Variants in GMEB1 observed in about 807,000 individuals in gnomAD.
The protein encoded by GMEB1 is glucocorticoid modulatory element binding protein 1.
GMEB1 carries 6 observed loss-of-function variants against 52.4 expected under a neutral mutation model. The observed-to-expected ratio is 0.11, with a 90% confidence interval of 0.06 to 0.23. The LOEUF is 0.23. Among genes scored for constraint, GMEB1 ranks in the 10% least tolerant of loss-of-function variants. GMEB1 has a pLI of 1.00. For missense variants in GMEB1, 486 were observed against 685.6 expected (o/e 0.71, Z 3.25); for synonymous variants, 255 against 244.9 (o/e 1.04, Z -0.38).
rs1395536813 is a variant in GMEB1 at position 28,705,411 on chromosome 1, GA to G, written c.868+1085del. On this transcript the variant is annotated intron_variant, in intron 8 of 9. Transcript: ENST00000373816. ...ACTCCATCTAAAAAAAAAACTGACA[GA>G]AAGCATCCTCTCTCGCGCGATATAT... 2.0e-5 allele frequency among the ~76,000 whole-genome samples: 3 copies of G among 147,736 alleles called. No individual in the cohort carries two copies. In the East Asian group the frequency reaches 6.0e-4, roughly 30 times the overall value.
chr1:28,708,066 T>C (rs1018068429), intron 8 of GMEB1, among the ~76,000 whole-genome samples: 2 of 151,974 alleles, frequency 1.3e-5, no homozygotes. Context: ...ACCTGGCTAA[T>C]ATTTGTAGTT....
chr1:28,706,674 A>T (rs1046888358), intron 8 of GMEB1, among the ~76,000 whole-genome samples: 1 of 149,646 alleles, frequency 6.7e-6, no homozygotes, highest in Non-Finnish European at 1.5e-5. Flanking sequence ...TTATTTATTT[A>T]TTTATTTAGA....
chr1:28,672,461 G>A (rs1051998977), intron 1 of GMEB1, among the ~76,000 whole-genome samples: 2 of 150,838 alleles, frequency 1.3e-5, no homozygotes, highest in African/African-American at 2.4e-5. Flanking sequence ...CTGACCTCGT[G>A]ATCCGCCCGC....
rs878890649 is a variant in GMEB1, at chr1:28,690,203, G to GTTTTTTTTTT, written c.211+29_211+38dup. ...AAGGGATTGGTAAGGGTTTTTTTGT[G>GTTTTTTTTTT]TTTTTTTTTTTTTTTTTTTTTGTCA... On this transcript the variant is annotated intron_variant, in intron 3 of 9. Transcript: ENST00000373816. 293 of 515,778 alleles carry GTTTTTTTTTT rather than the reference G, an allele frequency of 5.7e-4. No homozygotes were observed. The highest frequency in any genetic ancestry group is 2.3e-3 in the Middle Eastern group (6 of 2,644). 32.0% of individuals were successfully genotyped at this position (515,778 alleles called of 1,614,324 possible).
intron 6 of GMEB1, among the ~76,000 whole-genome samples, chr1:28,701,525 C>T (rs1444457093): frequency 6.6e-6 from 1 of 152,114 alleles, no homozygotes; most frequent in African/African-American, 2.4e-5. Context: ...ACCTCGGCCT[C>T]CCAAAGTGCT....
chr1:28,706,770 T>G lies in GMEB1; in HGVS notation c.868+2441T>G, dbSNP rs989792399. 3.3e-5 allele frequency among the ~76,000 whole-genome samples: 5 copies of G among 151,398 alleles called. No homozygotes were observed. The East Asian group carries it at 7.9e-4, about 24-fold the overall frequency. The stretch of plus-strand genomic sequence containing the variant: ...ACCTCCACCTCCCAAGTTCAAGTGA[T>G]TCTCCTGTCTCAGCCTCCTGACTAG... On this transcript the variant is annotated intron_variant, in intron 8 of 9. Transcript: ENST00000373816.
At position 28,696,921 on chromosome 1, in the gene GMEB1, G is replaced by A. The variant is rs755616468; in HGVS notation, c.441-6G>A. On this transcript the variant is annotated splice_polypyrimidine_tract_variant and splice_region_variant and intron_variant, in intron 5 of 9. Coordinates refer to ENST00000373816, the MANE Select transcript of GMEB1 (RefSeq NM_001319674.2). Reference sequence around the variant, plus strand: ...GAACTGGTACTTCTTGTCTCCCTTTGCACAGGAAAATGATGGACTCCGGAC... The same window carrying A: ...GAACTGGTACTTCTTGTCTCCCTTTACACAGGAAAATGATGGACTCCGGAC... The A allele has an allele frequency of 5.1e-5, 81 of 1,602,500 alleles. 1 individual carries two copies. The South Asian group carries it at 9.0e-4, about 18-fold the overall frequency.
intron 6 of GMEB1, 79 bp from the exon 7 acceptor site, chr1:28,702,359 G>A (rs1557516772): frequency 5.3e-6 from 6 of 1,121,744 alleles, no homozygotes; most frequent in East Asian, 5.0e-5. Context: ...GGTCTTTGTA[G>A]CTATTGAGTA....
intron 5 of GMEB1, among the ~76,000 whole-genome samples, chr1:28,694,664 C>A (rs1253301144): frequency 6.6e-6 from 1 of 151,190 alleles, no homozygotes; most frequent in Non-Finnish European, 1.5e-5. Context: ...TAAATATTTT[C>A]TTAACATAGG....
rs138645809 is a variant in GMEB1 at position 28,679,034 on chromosome 1, C to T, written c.-30-4549C>T. ...CAAGCAATTCTCCTGCCTCAACCTCCGGCTAATTATGCCTGGCTAATTTTT... is the reference window on the plus strand; with the variant it reads ...CAAGCAATTCTCCTGCCTCAACCTCTGGCTAATTATGCCTGGCTAATTTTT... On this transcript the variant is annotated intron_variant, in intron 1 of 9. Transcript: ENST00000373816. Among the ~76,000 whole-genome samples the T allele has an allele frequency of 2.2e-4, 34 of 152,196 alleles. No homozygotes were observed. The East Asian group carries it at 5.6e-3, about 25-fold the overall frequency.
chr1:28,699,486 A>G (rs541121066), intron 6 of GMEB1, among the ~76,000 whole-genome samples: 55 of 151,756 alleles, frequency 3.6e-4, no homozygotes, highest in African/African-American at 1.3e-3. Context: ...CTGGAGTGCA[A>G]TGGTGCAATC....
intron 1 of GMEB1, among the ~76,000 whole-genome samples, chr1:28,672,765 G>T (rs1668957122): frequency 6.9e-6 from 1 of 145,326 alleles, no homozygotes; most frequent in Non-Finnish European, 1.5e-5. Context: ...TGTTTTGACG[G>T]AGTCTCGCTC....
intron 8 of GMEB1, among the ~76,000 whole-genome samples, chr1:28,705,005 C>T (rs1275578018): frequency 1.3e-5 from 2 of 151,398 alleles, no homozygotes; most frequent in Non-Finnish European, 2.9e-5. Context: ...ATCACTTGAG[C>T]CCAGCAGTTT....
At chr1:28,695,746 G>A (rs1270942369) in intron 5 of GMEB1, among the ~76,000 whole-genome samples, 7 of 146,140 alleles carry the variant, frequency 4.8e-5, no homozygotes, top group African/African-American at 1.5e-4. Flanking sequence ...AGACCATCCC[G>A]GCTAAAACGG....
intron 8 of GMEB1, among the ~76,000 whole-genome samples, chr1:28,705,970 C>T (rs1238158211): frequency 2.0e-5 from 3 of 147,842 alleles, no homozygotes; most frequent in Admixed American, 6.8e-5. Context: ...CTGGTTAACA[C>T]GGTGAAACCC....
chr1:28,693,928 G>A (rs990112364), intron 5 of GMEB1, among the ~76,000 whole-genome samples: 2 of 151,930 alleles, frequency 1.3e-5, no homozygotes, highest in Admixed American at 6.6e-5. Flanking sequence ...AAAAATTATA[G>A]TCTGCTTTAA....
chr1:28,714,762 T>C lies in GMEB1; in HGVS notation c.1681T>C (p.Leu561=), dbSNP rs747180402. 6.2e-7 allele frequency: 1 copy of C among 1,606,142 alleles called. No individual in the cohort carries two copies. The highest frequency in any genetic ancestry group is 1.1e-5 in the South Asian group (1 of 90,958). ...AGTTCACAATGTGGAGATTGTGGTC[T>C]TAGAGGATTAACTGGGGATCTCAGG... ...HQVHNVEIVV[L]ED The change falls in exon 10 of 10, where the codon TTA becomes CTA. Residue 561 remains leucine (L), a synonymous_variant. Transcript: ENST00000373816.
chr1:28,707,971 T>G (rs978694192), intron 8 of GMEB1, among the ~76,000 whole-genome samples: 1 of 151,930 alleles, frequency 6.6e-6, no homozygotes, highest in African/African-American at 2.4e-5. Flanking sequence ...CAGTCACAGC[T>G]CACTGCAGCC....
intron 5 of GMEB1, among the ~76,000 whole-genome samples, chr1:28,694,346 A>G (rs1670100791): frequency 6.9e-6 from 1 of 145,882 alleles, no homozygotes; most frequent in Non-Finnish European, 1.5e-5. Context: ...GCGTGCCACC[A>G]TACCCAGCTA....
Sources: allele counts gnomAD v4.1 joint callset (sites outside exome capture counted in the v4.1 genomes callset), GRCh38; gene constraint gnomAD v4.1.1; transcripts MANE v1.5; gene names NCBI Gene and HGNC (gene_info 2026-07-23, HGNC 2026-07-21).